The following BCAP29 variants were observed in gnomAD, a reference collection of about 807,000 sequenced individuals.
BCAP29 encodes B-cell receptor-associated protein 29.
Under a neutral mutation model 31.8 loss-of-function variants are expected in BCAP29, and 34 were observed. That is an observed-to-expected ratio of 1.07 (90% CI 0.81 to 1.42). The LOEUF (loss-of-function observed/expected upper bound fraction) is 1.42, where lower values mean the gene tolerates loss of function less well. Ranked by LOEUF, BCAP29 falls within the 40% of genes most tolerant of loss-of-function variation. BCAP29 has a pLI of 0.00. For missense variants in BCAP29, 314 were observed against 269.2 expected (o/e 1.17, Z -1.16); for synonymous variants, 104 against 91.3 (o/e 1.14, Z -0.79).
At chr7:107,590,461 A>T (rs1251585486) in intron 3 of BCAP29, among the ~76,000 whole-genome samples, 2 of 152,218 alleles carry the variant, frequency 1.3e-5, no homozygotes, top group Non-Finnish European at 1.5e-5. Flanking sequence ...AAGAAATGAA[A>T]GGCTTAAAGA....
Position 107,580,648 on chromosome 7 carries a change from G to T in BCAP29, c.-14-111G>T, listed in dbSNP as rs979508926. On this transcript the variant is annotated intron_variant, in intron 1 of 7. Transcript: ENST00000005259. ...GGGGTCCGTGCTTGCCTTCCCAGGT[G>T]GGGGAAGGTGGAACACTGTCCATCC... The T allele has an allele frequency of 2.8e-5, 20 of 702,440 alleles. No individual in the cohort carries two copies. The Admixed American group carries it at 5.1e-4, about 18-fold the overall frequency. 43.5% of individuals were successfully genotyped at this position (702,440 alleles called of 1,614,324 possible).
At chr7:107,583,424 T>C (rs1386985143) in intron 2 of BCAP29, among the ~76,000 whole-genome samples, 1 of 152,144 alleles carries the variant, frequency 6.6e-6, no homozygotes, top group Non-Finnish European at 1.5e-5. Flanking sequence ...AGAGAAACTT[T>C]TAGTTGGAGT....
At chr7:107,600,147 A>C (rs925214147) in intron 5 of BCAP29, 4 of 477,528 alleles carry the variant, frequency 8.4e-6, no homozygotes, top group African/African-American at 5.9e-5. Context: ...TATTATTTTA[A>C]TCACAGCAAC....
intron 3 of BCAP29, among the ~76,000 whole-genome samples, chr7:107,593,644 G>C (rs1809279537): frequency 6.6e-6 from 1 of 152,170 alleles, no homozygotes. Flanking sequence ...TCATCTTAGA[G>C]ACAGAAAATG....
intron 3 of BCAP29, among the ~76,000 whole-genome samples, chr7:107,592,513 A>C (rs568787490): frequency 6.6e-6 from 1 of 152,360 alleles, no homozygotes; most frequent in African/African-American, 2.4e-5. Context: ...GCTGCTTTGG[A>C]ATACAGTTTG....
intron 6 of BCAP29, among the ~76,000 whole-genome samples, chr7:107,610,004 C>T (rs1205604755): frequency 2.6e-5 from 4 of 152,138 alleles, no homozygotes; most frequent in African/African-American, 9.7e-5. Flanking sequence ...TATCTCTGGT[C>T]GAAATCACAG....
chr7:107,605,713 T>C (rs955999113), intron 6 of BCAP29, among the ~76,000 whole-genome samples: 1 of 152,242 alleles, frequency 6.6e-6, no homozygotes, highest in African/African-American at 2.4e-5. Flanking sequence ...AGATAATTAC[T>C]TTGAATGCCT....
Position 107,602,311 on chromosome 7 carries a change from C to T in BCAP29, c.589+1806C>T, listed in dbSNP as rs186937256. ...AATGACCTTGAGAAGATCAGAGTTC[C>T]GTTTCTAAAGAAGGTGTTTCCTTGG... On this transcript the variant is annotated intron_variant, in intron 6 of 7. Coordinates refer to ENST00000005259, the MANE Select transcript of BCAP29 (RefSeq NM_018844.4). Among the ~76,000 whole-genome samples, 58 of 152,128 alleles carry T rather than the reference C, an allele frequency of 3.8e-4. 1 individual carries two copies. The East Asian group carries it at 0.011, about 29-fold the overall frequency.
chr7:107,606,029 TTAAAAA>T (rs1214270776), intron 6 of BCAP29, among the ~76,000 whole-genome samples: 9 of 152,216 alleles, frequency 5.9e-5, no homozygotes, highest in African/African-American at 1.4e-4. Context: ...TAAAAAGAAT[TTAAAAA>T]TAAAAATAAA....
chr7:107,601,819 T>A (rs1321842541), intron 6 of BCAP29, among the ~76,000 whole-genome samples: 1 of 152,196 alleles, frequency 6.6e-6, no homozygotes, highest in Non-Finnish European at 1.5e-5. Flanking sequence ...GCTTTCTTTT[T>A]TCTGTATCCA....
At chr7:107,607,267 A>G (rs904998182) in intron 6 of BCAP29, among the ~76,000 whole-genome samples, 5 of 152,236 alleles carry the variant, frequency 3.3e-5, no homozygotes, top group African/African-American at 9.6e-5. Flanking sequence ...CAGTGATCCA[A>G]GATTGTGCCA....
chr7:107,587,957 A>C (rs958460581), intron 3 of BCAP29: 15 of 152,316 alleles, frequency 9.8e-5, no homozygotes, highest in East Asian at 1.9e-4. Context: ...AGCAAGCTGT[A>C]GAATTGAAAA....
chr7:107,622,518 A>G (rs1815066398), downstream of BCAP29: 1 of 152,734 alleles, frequency 6.5e-6, no homozygotes. Context: ...TGTGTAGTAC[A>G]TGTTGCATCC....
At chr7:107,597,703 TA>T (rs1443819906) in intron 5 of BCAP29, among the ~76,000 whole-genome samples, 2 of 152,184 alleles carry the variant, frequency 1.3e-5, no homozygotes, top group Admixed American at 1.3e-4. Context: ...GTGACAGAAC[TA>T]AAATTTGAAC....
chr7:107,621,580 C>G (rs1376247078), downstream of BCAP29: 2 of 391,404 alleles, frequency 5.1e-6, no homozygotes, highest in Admixed American at 6.5e-5. Flanking sequence ...AGAGATTATT[C>G]TGGGTAATCT....
intron 3 of BCAP29, among the ~76,000 whole-genome samples, chr7:107,584,423 A>G (rs927853879): frequency 8.5e-5 from 13 of 152,348 alleles, no homozygotes; most frequent in South Asian, 2.1e-4. Flanking sequence ...TAAAAAATAA[A>G]CATGGCCGGG....
chr7:107,607,697 C>T (rs1218490267), intron 6 of BCAP29, among the ~76,000 whole-genome samples: 4 of 146,288 alleles, frequency 2.7e-5, no homozygotes, highest in Non-Finnish European at 6.0e-5. Context: ...AGTGCAGTGG[C>T]GCAATCTTGG....
In BCAP29 at chr7:107,595,923, A is replaced by T; in HGVS notation, c.401A>T (p.Lys134Ile). The change falls in exon 5 of 8, where the codon AAA becomes ATA. Residue 134 changes from lysine to isoleucine, a missense_variant. Transcript: ENST00000005259. ...CAACTGGCAAAAGAACTGTCAAACA[A>T]AGGTGTACTTAAAACTCAAGCAGAA... ...ITQLAKELSN[K>I]GVLKTQAENT... is the part of the protein sequence containing the mutation. 6.2e-7 allele frequency: 1 copy of T among 1,601,434 alleles called. No individual in the cohort carries two copies. The highest frequency in any genetic ancestry group is 8.5e-7 in the Non-Finnish European group (1 of 1,176,330).
At chr7:107,613,518 A>G (rs1813601209) in intron 7 of BCAP29, 86 bp downstream of exon 7, 2 of 1,322,232 alleles carry the variant, frequency 1.5e-6, no homozygotes, top group Non-Finnish European at 2.1e-6. Flanking sequence ...GTCCTTAACT[A>G]ATCAAGATGA....
Sources: allele counts gnomAD v4.1 joint callset (sites outside exome capture counted in the v4.1 genomes callset), GRCh38; gene constraint gnomAD v4.1.1; transcripts MANE v1.5; gene names NCBI Gene and HGNC (gene_info 2026-07-23, HGNC 2026-07-21).